HECW2: variants seen among roughly 807,000 people sequenced by gnomAD.
HECW2 encodes the protein HECT, C2 and WW domain containing E3 ubiquitin protein ligase 2, also known as E3 ubiquitin-protein ligase HECW2.
A neutral mutation model predicts 175.2 loss-of-function variants in HECW2; 61 were observed. The ratio of observed to expected loss-of-function variants is 0.35; its 90% CI spans 0.28 to 0.43. The LOEUF is 0.43. HECW2 is among the 20% of genes least tolerant of loss of function. HECW2 has a pLI of 1.00. For missense variants in HECW2, 1,524 were observed against 2,000.5 expected, an observed-to-expected ratio of 0.76 and a Z score of 4.54; for synonymous variants, 671 against 731.0, an observed-to-expected ratio of 0.92 and a Z score of 1.32.
chr2:196,329,644 C>T lies in HECW2; in HGVS notation c.502G>A (p.Ala168Thr), dbSNP rs759687357. ...TVKNPAVMMG[A>T]EGMEGGASGN... Reference sequence around the variant, plus strand: ...GAAGCACCTCCCTCCATGCCTTCTGCCCCCATCTGAAAAGAAAAAACATGC... The same window carrying T: ...GAAGCACCTCCCTCCATGCCTTCTGTCCCCATCTGAAAAGAAAAAACATGC... Residue 168 changes from alanine to threonine, a missense_variant, in exon 5 of 29, where the codon GCA becomes ACA. Physicochemically the swap from Ala to Thr is moderately conservative, Grantham distance 58. Coordinates refer to ENST00000644978, the MANE Select transcript of HECW2 (RefSeq NM_001348768.2). 1.1e-5 allele frequency: 17 copies of T among 1,613,210 alleles called. No homozygotes were observed. Among genetic ancestry groups the T allele is most frequent in the Non-Finnish European group, 1.0e-5 (12 of 1,179,362 alleles).
At chr2:196,478,488 A>G (rs1260910542) in intron 1 of HECW2, among the ~76,000 whole-genome samples, 1 of 152,166 alleles carries the variant, frequency 6.6e-6, no homozygotes, top group African/African-American at 2.4e-5. Context: ...TTAAGTTTAA[A>G]CATTCTGTTA....
chr2:196,367,336 A>T (rs1307299776), intron 2 of HECW2, among the ~76,000 whole-genome samples: 1 of 152,086 alleles, frequency 6.6e-6, no homozygotes, highest in Non-Finnish European at 1.5e-5. Context: ...AGGCGTTTGC[A>T]TTTTTTAATT....
intron 2 of HECW2, among the ~76,000 whole-genome samples, chr2:196,404,939 C>T (rs1404987112): frequency 6.7e-6 from 1 of 149,904 alleles, no homozygotes; most frequent in East Asian, 2.0e-4. Context: ...ATTCTCCTGC[C>T]TCAGCCTCCC....
intron 24 of HECW2, among the ~76,000 whole-genome samples, chr2:196,221,553 C>T (rs1391208798): frequency 6.6e-6 from 1 of 151,874 alleles, no homozygotes; most frequent in Admixed American, 6.6e-5. Flanking sequence ...AATTTTGGTT[C>T]TCTTTATTTT....
chr2:196,195,019 G>A lies in HECW2; in HGVS notation c.*6258C>T, dbSNP rs1440801313. Reference sequence around the variant, plus strand: ...GCATGTATTTTTATTCATTTATTTTGGAATGCCTGCATCCCTATTATAAAA... The same window carrying A: ...GCATGTATTTTTATTCATTTATTTTAGAATGCCTGCATCCCTATTATAAAA... On this transcript the variant is annotated 3_prime_UTR_variant, in exon 29 of 29. Transcript: ENST00000644978. The A allele has an allele frequency of 6.6e-6, 1 of 151,982 alleles. No homozygotes were observed. The highest frequency in any genetic ancestry group is 1.9e-4 in the East Asian group (1 of 5,190). The allele number at this position is 151,982 out of a possible 1,614,324, so 9.4% of individuals were successfully genotyped here.
rs1034452711 is a variant in HECW2 at position 196,305,609 on chromosome 2, C to T, written c.2814+879G>A. On this transcript the variant is annotated intron_variant, in intron 13 of 28. Transcript: ENST00000644978. ...CAATTCCTTTAACAAGTCCCTCATT[C>T]GAATTTTCCTAGTATTATTAATTAT... Among the ~76,000 whole-genome samples, 15 of 152,066 alleles carry T rather than the reference C, an allele frequency of 9.9e-5. No individual in the cohort carries two copies. The Middle Eastern group carries it at 0.014, about 138-fold the overall frequency.
At chr2:196,355,166 T>C (rs1693317951) in intron 2 of HECW2, among the ~76,000 whole-genome samples, 1 of 152,238 alleles carries the variant, frequency 6.6e-6, no homozygotes, top group Non-Finnish European at 1.5e-5. Context: ...TTGCATCCAA[T>C]TTCATGATAA....
At chr2:196,361,649 G>A (rs1043613920) in intron 2 of HECW2, among the ~76,000 whole-genome samples, 5 of 152,144 alleles carry the variant, frequency 3.3e-5, no homozygotes, top group Non-Finnish European at 7.3e-5. Flanking sequence ...AGTGATAAAT[G>A]TGCCACATAG....
chr2:196,559,173 T>C (rs1384930245), intron 1 of HECW2, among the ~76,000 whole-genome samples: 3 of 152,182 alleles, frequency 2.0e-5, no homozygotes, highest in Non-Finnish European at 4.4e-5. Context: ...TACACCATAC[T>C]GATGCCCTCT....
intron 28 of HECW2, among the ~76,000 whole-genome samples, chr2:196,203,126 A>C (rs1686927840): frequency 6.6e-6 from 1 of 152,172 alleles, no homozygotes; most frequent in African/African-American, 2.4e-5. Context: ...TTTTTTGACT[A>C]GGGATACTCC....
At chr2:196,388,141 A>G (rs1534538) in intron 2 of HECW2, among the ~76,000 whole-genome samples, 1 of 151,676 alleles carries the variant, frequency 6.6e-6, no homozygotes, top group Non-Finnish European at 1.5e-5. Context: ...AAAAAAAAAA[A>G]TTTTTAATTA....
intron 19 of HECW2, among the ~76,000 whole-genome samples, chr2:196,246,798 T>G (rs2105896549): frequency 6.6e-6 from 1 of 152,286 alleles, no homozygotes; most frequent in South Asian, 2.1e-4. Flanking sequence ...CCATAATGCA[T>G]TCCATCAATA....
chr2:196,523,648 C>T lies in HECW2; in HGVS notation c.-36+69860G>A, dbSNP rs1335232191. Among the ~76,000 whole-genome samples the T allele has an allele frequency of 1.9e-4, 29 of 151,422 alleles. No individual in the cohort carries two copies. The South Asian group carries it at 4.4e-3, about 23-fold the overall frequency. ...AGCTCTTATTATTTTGAAATACGTC[C>T]CATCAATACCTAATTTATTGAGAGT... On this transcript the variant is annotated intron_variant, in intron 1 of 28. Transcript: ENST00000644978.
intron 2 of HECW2, among the ~76,000 whole-genome samples, chr2:196,396,290 A>G (rs1033626579): frequency 1.3e-5 from 2 of 152,254 alleles, no homozygotes; most frequent in African/African-American, 4.8e-5. Flanking sequence ...ATAGCACAAA[A>G]GTAATTGAGA....
chr2:196,387,929 C>A (rs562179522), intron 2 of HECW2, among the ~76,000 whole-genome samples: 1 of 152,238 alleles, frequency 6.6e-6, no homozygotes, highest in African/African-American at 2.4e-5. Flanking sequence ...AATTCAAAGG[C>A]CCTAATTCAC....
intron 1 of HECW2, among the ~76,000 whole-genome samples, chr2:196,536,735 C>T (rs1457758059): frequency 6.6e-6 from 1 of 152,176 alleles, no homozygotes; most frequent in Non-Finnish European, 1.5e-5. Context: ...GGCTGAGAGC[C>T]ACAGAGTCAG....
intron 7 of HECW2, 76 bp downstream of exon 7, chr2:196,322,402 G>T: frequency 7.9e-7 from 1 of 1,258,640 alleles, no homozygotes; most frequent in Non-Finnish European, 1.1e-6. Context: ...AAAAGTCCTA[G>T]GACTACCAAG....
chr2:196,270,909 T>C (rs1406605770), intron 17 of HECW2, among the ~76,000 whole-genome samples: 1 of 152,182 alleles, frequency 6.6e-6, no homozygotes, highest in Non-Finnish European at 1.5e-5. Context: ...TTGGGCAGGA[T>C]GGTCTTGATC....
At chr2:196,525,227 T>A (rs1481428077) in intron 1 of HECW2, among the ~76,000 whole-genome samples, 1 of 144,884 alleles carries the variant, frequency 6.9e-6, no homozygotes, top group African/African-American at 2.7e-5. Flanking sequence ...TTTACCATTA[T>A]GTAATGGCCT....
Sources: allele counts gnomAD v4.1 joint callset (sites outside exome capture counted in the v4.1 genomes callset), GRCh38; gene constraint gnomAD v4.1.1; transcripts MANE v1.5; gene names NCBI Gene and HGNC (gene_info 2026-07-23, HGNC 2026-07-21).